The following PI4KA variants were observed in gnomAD, a reference collection of about 807,000 sequenced individuals.
PI4KA encodes the protein phosphatidylinositol 4-kinase alpha.
A neutral mutation model predicts 271.4 loss-of-function variants in PI4KA; 122 were observed. The ratio of observed to expected loss-of-function variants is 0.45; its 90% CI spans 0.39 to 0.52. The LOEUF is 0.52. PI4KA is among the 20% of genes least tolerant of loss of function. The probability of loss-of-function intolerance (pLI) is 0.00; values close to 1 mark genes in which losing one functional copy is unlikely to be tolerated. For missense variants in PI4KA, 1,969 were observed against 2,769.1 expected (o/e 0.71, Z 6.48); for synonymous variants, 1,041 against 1,078.8 (o/e 0.96, Z 0.69).
Position 20,729,350 on chromosome 22 carries a change from T to C in PI4KA, c.4645A>G (p.Ser1549Gly). 1.2e-6 allele frequency: 2 copies of C among 1,614,078 alleles called. No individual in the cohort carries two copies. The highest frequency in any genetic ancestry group is 1.7e-6 in the Non-Finnish European group (2 of 1,179,994). ...TGCACGGCTAGGTAGGGAGAGATGCTCCAGGCGAGGTTCACGTTGTCCTTC... is the reference window on the plus strand; with the variant it reads ...TGCACGGCTAGGTAGGGAGAGATGCCCCAGGCGAGGTTCACGTTGTCCTTC... ...QWKDNVNLAW[S>G]ISPYLAVQLP... The change falls in exon 39 of 55, where the codon AGC becomes GGC. Residue 1549 changes from serine (S) to glycine (G), a missense_variant. Physicochemically the swap from Ser to Gly is moderately conservative, Grantham distance 56 (BLOSUM62 0). Transcript: ENST00000255882.
chr22:20,742,265 T>A lies in PI4KA; in HGVS notation c.3704A>T (p.Glu1235Val). The A allele has an allele frequency of 6.2e-7, 1 of 1,614,060 alleles. No individual in the cohort carries two copies. The change falls in exon 32 of 55, where the codon GAG becomes GTG. Residue 1235 changes from glutamate to valine, a missense_variant. Around this residue, in one of 13 missense-constraint regions of PI4KA, gnomAD observed 203 missense variants for 256.8 expected, o/e 0.79. Coordinates refer to ENST00000255882, the MANE Select transcript of PI4KA (RefSeq NM_058004.4). ...TCCATCCTTGCCAGCCAGCAGCCAC[T>A]CCCAGCAGGCCAGGGCCGTCTCCAT... is the stretch of plus-strand genomic sequence containing the variant. ...HGMETALACWEWLLAGKDGVE... is the reference protein window; with the variant it reads ...HGMETALACWVWLLAGKDGVE...
intron 2 of PI4KA, among the ~76,000 whole-genome samples, chr22:20,837,028 A>G (rs9624954): frequency 0.03 from 4,538 of 152,210 alleles, 227 homozygotes; most frequent in African/African-American, 0.1. Context: ...TTTATAATTC[A>G]TTTTATATTT....
intron 23 of PI4KA, among the ~76,000 whole-genome samples, chr22:20,755,465 G>A (rs112058416): frequency 2.5e-3 from 378 of 152,222 alleles, no homozygotes; most frequent in African/African-American, 8.2e-3. Context: ...TCTGAGCACC[G>A]GATATGCTCA....
At chr22:20,796,426 A>C (rs1259537929) in intron 17 of PI4KA, 112 bp from the exon 18 acceptor site, 1 of 882,440 alleles carries the variant, frequency 1.1e-6, no homozygotes, top group Non-Finnish European at 1.8e-6. Flanking sequence ...CTGCCTTACC[A>C]CACTCCTCCC....
In PI4KA at chr22:20,755,813, AAAAAG is replaced by A. The variant is rs376448560; in HGVS notation, c.2792-2638_2792-2634del. Among the ~76,000 whole-genome samples, 897 of 152,100 alleles carry A rather than the reference AAAAAG, an allele frequency of 5.9e-3. 8 individuals carry two copies. The highest frequency in any genetic ancestry group is 0.053 in the East Asian group (276 of 5,170). Reference sequence around the variant, plus strand: ...CGACACACTGTCACATAAAAAAAAAAAAAAGAAAAGAAAAAGAAAAAAAGCAACAG... The same window carrying A: ...CGACACACTGTCACATAAAAAAAAAAAAAAGAAAAAGAAAAAAAGCAACAG... On this transcript the variant is annotated intron_variant, in intron 23 of 54. Coordinates refer to ENST00000255882, the MANE Select transcript of PI4KA (RefSeq NM_058004.4).
At chr22:20,722,217 C>T (rs148123699) in intron 42 of PI4KA, among the ~76,000 whole-genome samples, 4,365 of 152,222 alleles carry the variant, frequency 0.029, 200 homozygotes, top group African/African-American at 0.098. Context: ...GACAGAGTCT[C>T]GGTCTGTCAC....
intron 19 of PI4KA, among the ~76,000 whole-genome samples, chr22:20,771,607 A>C (rs1217311167): frequency 6.6e-6 from 1 of 150,852 alleles, no homozygotes; most frequent in East Asian, 2.0e-4. Context: ...ATTTAGACAG[A>C]GTCTCACTCT....
chr22:20,855,366 T>C (rs188075754), intron 1 of PI4KA, among the ~76,000 whole-genome samples: 21 of 152,268 alleles, frequency 1.4e-4, no homozygotes, highest in African/African-American at 4.8e-4. Context: ...ATATTAACAA[T>C]GATCCCTAGC....
At chr22:20,801,932 T>A in intron 14 of PI4KA, 41 bp downstream of exon 14, 1 of 1,605,844 alleles carries the variant, frequency 6.2e-7, no homozygotes. Flanking sequence ...CCCGCTTGTC[T>A]GGAGCACTGC....
intron 23 of PI4KA, among the ~76,000 whole-genome samples, chr22:20,756,764 G>A (rs1245287827): frequency 2.6e-5 from 4 of 151,934 alleles, no homozygotes. Context: ...CCAAGTAGCT[G>A]GGATTACAGT....
At chr22:20,779,901 A>G in intron 19 of PI4KA, 2 of 1,614,238 alleles carry the variant, frequency 1.2e-6, no homozygotes, top group Non-Finnish European at 1.7e-6. Context: ...TGAAATCACG[A>G]CCATTCATAA....
intron 42 of PI4KA, chr22:20,725,913 T>TA (rs573929949): frequency 1.9e-3 from 239 of 127,894 alleles, no homozygotes; most frequent in Middle Eastern, 4.4e-3. Context: ...CCCTGTCTCT[T>TA]AAAAAAAAAA....
intron 19 of PI4KA, among the ~76,000 whole-genome samples, chr22:20,791,514 G>T (rs180867799): frequency 6.6e-6 from 1 of 152,204 alleles, no homozygotes; most frequent in South Asian, 2.1e-4. Flanking sequence ...CCAGCACTAA[G>T]GGAGGCTGAA....
intron 19 of PI4KA, among the ~76,000 whole-genome samples, chr22:20,777,471 G>C (rs940438568): frequency 6.6e-6 from 1 of 152,034 alleles, no homozygotes; most frequent in Non-Finnish European, 1.5e-5. Context: ...GCCCACCTCG[G>C]CCTCCCAAAG....
rs531583284 is a variant in PI4KA at position 20,805,122 on chromosome 22, C to T, written c.1212G>A (p.Leu404=). Residue 404 remains leucine, a synonymous_variant, in exon 11 of 55, where the codon CTG becomes CTA. Transcript: ENST00000255882. ...SFVKEIHDFV[L]EQFNTSQGEL... Reference sequence around the variant, plus strand: ...CCCCCTGGCTCGTGTTGAACTGCTCCAGCACAAAATCATGGATCTCCTTCA... The same window carrying T: ...CCCCCTGGCTCGTGTTGAACTGCTCTAGCACAAAATCATGGATCTCCTTCA... The T allele has an allele frequency of 3.7e-6, 6 of 1,614,090 alleles. No individual in the cohort carries two copies. In the South Asian group the frequency reaches 5.5e-5, roughly 15 times the overall value.
At chr22:20,770,293 A>G (rs1409507735) in intron 19 of PI4KA, among the ~76,000 whole-genome samples, 1 of 151,284 alleles carries the variant, frequency 6.6e-6, no homozygotes, top group Non-Finnish European at 1.5e-5. Flanking sequence ...CGGGCAGATC[A>G]TCTGAGGTCA....
intron 27 of PI4KA, among the ~76,000 whole-genome samples, chr22:20,750,900 C>T (rs920650054): frequency 4.6e-5 from 7 of 152,196 alleles, no homozygotes; most frequent in Non-Finnish European, 8.8e-5. Context: ...AAGGCATGAT[C>T]CCCTATTACC....
chr22:20,761,209 C>A, intron 23 of PI4KA, 95 bp downstream of exon 23: 1 of 750,394 alleles, frequency 1.3e-6, no homozygotes, highest in Non-Finnish European at 2.4e-6. Flanking sequence ...CTTCATAAAA[C>A]ATTTTCTACA....
In PI4KA at chr22:20,734,117, G is replaced by A; in HGVS notation, c.3978C>T (p.Arg1326=). The A allele has an allele frequency of 6.2e-7, 1 of 1,603,820 alleles. No individual in the cohort carries two copies. ...QVEIFSSLLQ[R]SMSLNIGGAK... is the part of the protein sequence containing the mutation. ...CCCCGCCGATGTTCAGGGACATGGA[G>A]CGCTGCAGCAGGCTGGAGAAGATCT... Residue 1326 remains arginine, a synonymous_variant, in exon 34 of 55, where the codon CGC becomes CGT. Coordinates refer to ENST00000255882, the MANE Select transcript of PI4KA (RefSeq NM_058004.4).
Sources: allele counts gnomAD v4.1 joint callset (sites outside exome capture counted in the v4.1 genomes callset), GRCh38; gene constraint gnomAD v4.1.1; regional missense constraint gnomAD v4.1.1; transcripts MANE v1.5; gene names NCBI Gene and HGNC (gene_info 2026-07-23, HGNC 2026-07-21).